Variants in WDPCP observed in about 807,000 individuals in gnomAD.
The protein encoded by WDPCP is WD repeat containing planar cell polarity effector.
In WDPCP, 71 loss-of-function variants were observed where a neutral mutation model predicts 93.1. The observed-to-expected ratio is 0.76, with a 90% CI of 0.63 to 0.93. The LOEUF is 0.93. Ranked by LOEUF, WDPCP falls within the 40% of genes least tolerant of loss-of-function variation. The pLI is 0.00. For missense variants in WDPCP, 844 were observed against 887.4 expected (o/e 0.95, Z 0.62); for synonymous variants, 315 against 315.0 (o/e 1.00, Z 0.00).
intron 1 of WDPCP, among the ~76,000 whole-genome samples, chr2:63,500,920 T>C (rs1178416358): frequency 6.6e-6 from 1 of 152,228 alleles, no homozygotes; most frequent in Non-Finnish European, 1.5e-5. Flanking sequence ...TAGTGACATT[T>C]AGCTTCTAAT....
intron 2 of WDPCP, among the ~76,000 whole-genome samples, chr2:63,757,859 G>T (rs552684628): frequency 3.9e-4 from 59 of 152,306 alleles, no homozygotes; most frequent in African/African-American, 1.3e-3. Flanking sequence ...CCAGGTCCTT[G>T]AGTCACTAAG....
At chr2:63,726,425 T>C (rs1049342013) in intron 2 of WDPCP, among the ~76,000 whole-genome samples, 1 of 152,178 alleles carries the variant, frequency 6.6e-6, no homozygotes, top group African/African-American at 2.4e-5. Flanking sequence ...TTTTGTACCA[T>C]ATCATGCTGT....
chr2:63,688,628 G>A (rs550597641), intron 2 of WDPCP, among the ~76,000 whole-genome samples: 9 of 152,196 alleles, frequency 5.9e-5, no homozygotes, highest in African/African-American at 1.9e-4. Context: ...CTAAAAGAGT[G>A]TAATTGGATT....
intron 2 of WDPCP, among the ~76,000 whole-genome samples, chr2:63,770,222 C>T (rs1228025151): frequency 6.6e-6 from 1 of 151,938 alleles, no homozygotes; most frequent in Non-Finnish European, 1.5e-5. Flanking sequence ...TACCACCATA[C>T]CACCCTGAAC....
intron 14 of WDPCP, among the ~76,000 whole-genome samples, chr2:63,184,474 T>C (rs1035714844): frequency 1.3e-5 from 2 of 152,168 alleles, no homozygotes; most frequent in African/African-American, 4.8e-5. Context: ...ATGAAACTTA[T>C]TTTAGCAGAA....
intron 6 of WDPCP, among the ~76,000 whole-genome samples, chr2:63,463,097 G>A (rs970278059): frequency 5.3e-5 from 8 of 151,770 alleles, no homozygotes; most frequent in Admixed American, 5.3e-4. Flanking sequence ...ATTCAAAGAC[G>A]GGGGAAAGGA....
intron 2 of WDPCP, among the ~76,000 whole-genome samples, chr2:63,664,055 G>A (rs1710256154): frequency 6.6e-6 from 1 of 152,108 alleles, no homozygotes. Context: ...CATTACATTT[G>A]GTTAGGCACA....
At position 63,299,987 on chromosome 2, in the gene WDPCP, A is replaced by G. The variant is rs368442219; in HGVS notation, c.1812+13261T>C. 1.5e-3 allele frequency among the ~76,000 whole-genome samples: 222 copies of G among 152,246 alleles called. 7 individuals carry two copies. The South Asian group carries it at 0.044, about 30-fold the overall frequency. On this transcript the variant is annotated intron_variant, in intron 13 of 17. Coordinates refer to ENST00000272321, the MANE Select transcript of WDPCP (RefSeq NM_015910.7). ...GCCACGTGTGCTGTAAGGAGCAGATAAGATGGCACTGATCAACTGGAAAGC... is the reference window on the plus strand; with the variant it reads ...GCCACGTGTGCTGTAAGGAGCAGATGAGATGGCACTGATCAACTGGAAAGC...
chr2:63,837,105 T>C, the WDPCP span, among the ~76,000 whole-genome samples: 1 of 152,240 alleles, frequency 6.6e-6, no homozygotes, highest in African/African-American at 2.4e-5. Context: ...ATAATTTAAA[T>C]TCACAACTTG....
chr2:63,410,171 C>T (rs1429839654), intron 9 of WDPCP, among the ~76,000 whole-genome samples: 5 of 152,198 alleles, frequency 3.3e-5, no homozygotes, highest in Non-Finnish European at 7.4e-5. Flanking sequence ...GCAGATTTCT[C>T]AGCAGAAACC....
At chr2:63,125,666 G>C (rs1669845830) in intron 17 of WDPCP, among the ~76,000 whole-genome samples, 1 of 152,088 alleles carries the variant, frequency 6.6e-6, no homozygotes, top group South Asian at 2.1e-4. Flanking sequence ...GGAGTGCAGT[G>C]GCGTGATCTC....
chr2:63,363,135 AACAAT>A (rs1395658620), intron 12 of WDPCP, among the ~76,000 whole-genome samples: 1 of 152,118 alleles, frequency 6.6e-6, no homozygotes, highest in Non-Finnish European at 1.5e-5. Flanking sequence ...AAATAATTCA[AACAAT>A]ACAAGAAGCA....
At chr2:63,620,489 C>G (rs1709723183) in intron 3 of WDPCP, among the ~76,000 whole-genome samples, 1 of 152,160 alleles carries the variant, frequency 6.6e-6, no homozygotes, top group South Asian at 2.1e-4. Flanking sequence ...CCCCTCTGGG[C>G]AGGACATCCC....
chr2:63,136,180 A>C (rs981713190), intron 17 of WDPCP, among the ~76,000 whole-genome samples: 2 of 152,148 alleles, frequency 1.3e-5, no homozygotes, highest in Non-Finnish European at 2.9e-5. Context: ...CTCTCTCTCT[A>C]TATATATTCC....
intron 2 of WDPCP, among the ~76,000 whole-genome samples, chr2:63,663,638 T>G (rs777626386): frequency 6.6e-6 from 1 of 152,166 alleles, no homozygotes; most frequent in East Asian, 1.9e-4. Context: ...TTTATAAAAG[T>G]TGGTGACTGA....
intron 17 of WDPCP, among the ~76,000 whole-genome samples, chr2:63,146,091 G>T (rs191734012): frequency 2.0e-5 from 3 of 152,288 alleles, no homozygotes; most frequent in Admixed American, 2.0e-4. Context: ...TTTATCAGCT[G>T]AAGGAGCTTC....
At chr2:63,807,171 T>G (rs555183176) in intron 2 of WDPCP, among the ~76,000 whole-genome samples, 1 of 152,352 alleles carries the variant, frequency 6.6e-6, no homozygotes, top group East Asian at 1.9e-4. Context: ...TATGTTCTTC[T>G]GCCATGGCTT....
intron 2 of WDPCP, among the ~76,000 whole-genome samples, chr2:63,679,616 G>T (rs957298241): frequency 1.3e-5 from 2 of 152,076 alleles, no homozygotes; most frequent in Admixed American, 6.5e-5. Flanking sequence ...AGGAGCCTGA[G>T]GGCTGAGCAG....
chr2:63,516,712 A>G lies in WDPCP; in HGVS notation c.76-23772T>C, dbSNP rs371463427. 1.8e-4 allele frequency among the ~76,000 whole-genome samples: 28 copies of G among 152,280 alleles called. No homozygotes were observed. In the East Asian group the frequency reaches 2.9e-3, roughly 16 times the overall value. ...ACCTCATAGGAAATCTTGAGCCACA[A>G]TGGCCTATCTGGTCCATTCTCAAAT... is the stretch of plus-strand genomic sequence containing the variant. On this transcript the variant is annotated intron_variant, in intron 1 of 17. Coordinates refer to ENST00000272321, the MANE Select transcript of WDPCP (RefSeq NM_015910.7).
Sources: allele counts gnomAD v4.1 joint callset (sites outside exome capture counted in the v4.1 genomes callset), GRCh38; gene constraint gnomAD v4.1.1; transcripts MANE v1.5; gene names NCBI Gene and HGNC (gene_info 2026-07-23, HGNC 2026-07-21).